Variants in SNRPN observed in about 807,000 individuals in gnomAD.
SNRPN encodes the protein small nuclear ribonucleoprotein-associated protein N.
In SNRPN, 7 loss-of-function variants were observed where a neutral mutation model predicts 25.2. The observed-to-expected ratio is 0.28, with a 90% CI of 0.16 to 0.52. SNRPN has a LOEUF of 0.52. Ranked by LOEUF, SNRPN falls within the 20% of genes least tolerant of loss-of-function variation. SNRPN has a pLI of 0.96. For missense variants in SNRPN, 196 were observed against 322.5 expected, an observed-to-expected ratio of 0.61 and a Z score of 3.00; for synonymous variants, 124 against 110.6, an observed-to-expected ratio of 1.12 and a Z score of -0.76.
At chr15:24,956,375 C>G (rs2062891919) in intron 1 of SNRPN, among the ~76,000 whole-genome samples, 1 of 149,780 alleles carries the variant, frequency 6.7e-6, no homozygotes, top group Admixed American at 6.8e-5. Context: ...CCGCTTCCTC[C>G]CTGTAGAGCC....
intron 2 of SNRPN, among the ~76,000 whole-genome samples, chr15:24,919,021 G>A (rs185740871): frequency 2.2e-4 from 23 of 104,660 alleles, no homozygotes; most frequent in South Asian, 9.7e-4. Flanking sequence ...TAATATATAT[G>A]TGCGCATATA....
At chr15:24,924,525 C>T (rs79951021) in intron 3 of SNRPN, among the ~76,000 whole-genome samples, 4 of 152,120 alleles carry the variant, frequency 2.6e-5, no homozygotes, top group Non-Finnish European at 5.9e-5. Flanking sequence ...GTATGAGCTG[C>T]TCCCCACATA....
intron 3 of SNRPN, chr15:24,968,332 A>T: frequency 3.4e-6 from 1 of 291,968 alleles, no homozygotes; most frequent in Non-Finnish European, 6.6e-6. Context: ...TTTTTTAATT[A>T]TATAAAAATA....
At chr15:24,898,225 T>TA (rs1260463857) in intron 2 of SNRPN, among the ~76,000 whole-genome samples, 8 of 152,206 alleles carry the variant, frequency 5.3e-5, no homozygotes, top group Admixed American at 1.3e-4. Context: ...GCAAGCTTTT[T>TA]AAAAAAAATA....
At chr15:24,885,140 C>A (rs1219665271) in intron 1 of SNRPN, among the ~76,000 whole-genome samples, 1 of 152,146 alleles carries the variant, frequency 6.6e-6, no homozygotes, top group Non-Finnish European at 1.5e-5. Flanking sequence ...CTGTAAGTAA[C>A]TTGAAAGCAT....
chr15:24,908,052 C>CAAAAA (rs71127014), intron 2 of SNRPN, among the ~76,000 whole-genome samples: 2 of 70,708 alleles, frequency 2.8e-5, no homozygotes, highest in African/African-American at 5.8e-5. Flanking sequence ...GACTCCATCT[C>CAAAAA]AAAAAAAAAA....
intron 2 of SNRPN, among the ~76,000 whole-genome samples, chr15:24,912,740 C>G (rs2059288345): frequency 6.6e-6 from 1 of 152,124 alleles, no homozygotes; most frequent in South Asian, 2.1e-4. Flanking sequence ...AAAGGGAGTA[C>G]TTTCTTGCCC....
rs1595965243 is a variant in SNRPN, at chr15:24,929,172, T to C, written c.-391+9048T>C. ...TATTGTGTATATATGTATGTAGCTA[T>C]ATGTGTGTATGTGTATATATATCTT... On this transcript the variant is annotated intron_variant, in intron 3 of 11. Transcript: ENST00000400097. This position sits in a 1 kb window ranked among gnomAD's most constrained non-coding sequence, Gnocchi z 5.3. Among the ~76,000 whole-genome samples the C allele has an allele frequency of 6.6e-6, 1 of 152,290 alleles. No homozygotes were observed. Among genetic ancestry groups the C allele is most frequent in the African/African-American group, 2.4e-5 (1 of 41,588 alleles).
chr15:24,837,358 A>G (rs1429018232), intron 2 of SNRPN, among the ~76,000 whole-genome samples: 2 of 141,140 alleles, frequency 1.4e-5, no homozygotes, highest in Admixed American at 1.4e-4. Context: ...TTGCGACTTG[A>G]GGGGGCTACA....
Position 24,975,423 on chromosome 15 carries a change from T to C in SNRPN, c.69T>C (p.Asp23=). 1 of 1,613,418 alleles carries C rather than the reference T, an allele frequency of 6.2e-7. No homozygotes were observed. Among genetic ancestry groups the C allele is most frequent in the Non-Finnish European group, 8.5e-7 (1 of 1,179,366 alleles). Reference sequence around the variant, plus strand: ...ATAGAATGAGATGTATCCTGCAAGATGGCCGAATCTTCATTGGCACCTTTA... The same window carrying C: ...ATAGAATGAGATGTATCCTGCAAGACGGCCGAATCTTCATTGGCACCTTTA... The part of the protein sequence containing the change: ...IDYRMRCILQ[D]GRIFIGTFKA... Residue 23 remains aspartate (D), a synonymous_variant, in exon 5 of 10, where the codon GAT becomes GAC. Transcript: ENST00000390687.
intron 1 of SNRPN, among the ~76,000 whole-genome samples, chr15:24,955,314 C>T (rs1020356343): frequency 6.6e-6 from 1 of 151,942 alleles, no homozygotes; most frequent in Non-Finnish European, 1.5e-5. Flanking sequence ...CGCGACAGGT[C>T]CTATTGCGGG....
chr15:24,882,836 AT>A (rs200915881), intron 1 of SNRPN, among the ~76,000 whole-genome samples: 3,434 of 122,852 alleles, frequency 0.028, 302 homozygotes, highest in African/African-American at 0.089. Context: ...AAAAAAAAAT[AT>A]ATATATATAT....
intron 2 of SNRPN, chr15:24,910,896 C>A: frequency 1.5e-6 from 1 of 663,806 alleles, no homozygotes; most frequent in Non-Finnish European, 2.6e-6. Flanking sequence ...CCTGAAGGAC[C>A]ATCCTTCCAT....
At chr15:24,891,560 C>G (rs556375505) in intron 2 of SNRPN, among the ~76,000 whole-genome samples, 2 of 152,186 alleles carry the variant, frequency 1.3e-5, no homozygotes, top group African/African-American at 4.8e-5. Flanking sequence ...GCCTCACCCT[C>G]CCAAGTAGCT....
At chr15:24,882,028 CTA>C (rs1484019121) in intron 1 of SNRPN, among the ~76,000 whole-genome samples, 1 of 152,146 alleles carries the variant, frequency 6.6e-6, no homozygotes, top group Non-Finnish European at 1.5e-5. Context: ...CAGAGGTAGA[CTA>C]TGAAGGCCTC....
intron 2 of SNRPN, among the ~76,000 whole-genome samples, chr15:24,892,438 G>C (rs1472059491): frequency 1.3e-5 from 2 of 152,110 alleles, no homozygotes; most frequent in Admixed American, 6.6e-5. Context: ...GAACCAGCTG[G>C]GGGAGATATT....
chr15:24,831,883 C>T (rs185266969), intron 2 of SNRPN, among the ~76,000 whole-genome samples: 1 of 152,068 alleles, frequency 6.6e-6, no homozygotes, highest in East Asian at 1.9e-4. Flanking sequence ...TTGATGGGCA[C>T]TTAGGTTGAT....
intron 2 of SNRPN, among the ~76,000 whole-genome samples, chr15:24,845,883 G>T (rs1279239398): frequency 6.6e-6 from 1 of 151,858 alleles, no homozygotes; most frequent in Non-Finnish European, 1.5e-5. Context: ...AGGAGCTTGA[G>T]ACCAGCCTGA....
intron 2 of SNRPN, among the ~76,000 whole-genome samples, chr15:24,893,128 A>C (rs2057804919): frequency 6.6e-6 from 1 of 152,126 alleles, no homozygotes; most frequent in African/African-American, 2.4e-5. Context: ...GAATTGCTTG[A>C]ATCTGGGAGG....
Sources: gnomAD v4.1 joint callset for allele counts (sites outside exome capture counted in the v4.1 genomes callset) on GRCh38, gnomAD v4.1.1 for gene constraint, Gnocchi (gnomAD v3.1) non-coding constraint, MANE v1.5 for transcripts, NCBI Gene and HGNC (gene_info 2026-07-23, HGNC 2026-07-21) for gene names.